The following ZNF888 variants were observed in gnomAD, a reference collection of about 807,000 sequenced individuals.
The protein encoded by ZNF888 is zinc finger protein 888, also known as CTD-2331H12.6.
In ZNF888, 5 loss-of-function variants were observed where a neutral mutation model predicts 7.2. The observed-to-expected ratio is 0.70, with a 90% CI of 0.36 to 1.46. ZNF888 has a LOEUF of 1.46. ZNF888 is among the 40% of genes most tolerant of loss of function. The probability of loss-of-function intolerance (pLI) is 0.03; values close to 1 mark genes in which losing one functional copy is unlikely to be tolerated. For missense variants in ZNF888, 716 were observed against 858.0 expected (o/e 0.83, Z 2.07); for synonymous variants, 240 against 284.3 (o/e 0.84, Z 1.57).
At chr19:52,911,999 G>C (rs551921408) in intron 4 of ZNF888, among the ~76,000 whole-genome samples, 1 of 150,600 alleles carries the variant, frequency 6.6e-6, no homozygotes, top group East Asian at 2.0e-4. Context: ...ATTTTTAGTA[G>C]AGAAGGGGTT....
intron 1 of ZNF888, among the ~76,000 whole-genome samples, chr19:52,920,505 A>AAAAAAG (rs2064812472): frequency 2.2e-5 from 1 of 45,848 alleles, no homozygotes; most frequent in African/African-American, 8.4e-5. Context: ...AAAAAAAAAA[A>AAAAAAG]AAAAAAAAAA....
rs891947088 is a variant in ZNF888, at chr19:52,906,939, A to G, written c.1383T>C (p.Thr461=). ...SNLARHHRLH[T]GEKPYKCKEC... is the part of the protein sequence containing the mutation. ...CTTTACATTTGTAAGGTTTCTCTCC[A>G]GTATGAAGTCTATGATGACGTGCAA... The change falls in exon 5 of 5, where the codon ACT becomes ACC. Residue 461 remains threonine (T), a synonymous_variant. Coordinates refer to ENST00000638862, the MANE Select transcript of ZNF888 (RefSeq NM_001393938.1). 1 of 1,612,776 alleles carries G rather than the reference A, an allele frequency of 6.2e-7. No individual in the cohort carries two copies. The highest frequency in any genetic ancestry group is 1.3e-5 in the African/African-American group (1 of 74,628).
Position 52,906,831 on chromosome 19 carries a change from C to A in ZNF888, c.1491G>T (p.Lys497Asn). The A allele has an allele frequency of 9.3e-6, 15 of 1,612,634 alleles. No homozygotes were observed. The highest frequency in any genetic ancestry group is 1.3e-5 in the Non-Finnish European group (15 of 1,179,690). The change falls in exon 5 of 5, where the codon AAG becomes AAT. Residue 497 changes from lysine (K) to asparagine (N), a missense_variant. Lys to Asn is a moderately conservative substitution (Grantham distance 94). Around this residue, in one of 2 missense-constraint regions of ZNF888, gnomAD observed 697 missense variants for 803.4 expected, o/e 0.87. Transcript: ENST00000638862. ...IHTGEKPYKC[K>N]VCDKAFRRDS... ...CACGTCTGAAAGCCTTGTCACAAACCTTACATTTGTATGGTTTCTCACCAG... is the reference window on the plus strand; with the variant it reads ...CACGTCTGAAAGCCTTGTCACAAACATTACATTTGTATGGTTTCTCACCAG...
Position 52,906,313 on chromosome 19 carries a change from G to A in ZNF888, c.2009C>T (p.Ala670Val), listed in dbSNP as rs1340725750. The A allele has an allele frequency of 7.4e-6, 12 of 1,613,444 alleles. No homozygotes were observed. The African/African-American group carries it at 8.0e-5, about 11-fold the overall frequency. Residue 670 changes from alanine (A) to valine (V), a missense_variant, in exon 5 of 5, where the codon GCT (alanine) becomes GTT (valine). Ala to Val is a moderately conservative substitution (Grantham distance 64). This residue lies in a region of ZNF888 where 697 missense variants were observed against 803.4 expected (regional missense o/e 0.87). Coordinates refer to ENST00000638862, the MANE Select transcript of ZNF888 (RefSeq NM_001393938.1). ...TGCCAGGTGTGAGTAACACTTGAAA[G>A]CCTTGTCACAAACCTTACATTTGTA... is the stretch of plus-strand genomic sequence containing the variant. ...KPYKCKVCDK[A>V]FKCYSHLAQH...
At chr19:52,920,517 G>GGAAAAA (rs2064813371) in intron 1 of ZNF888, among the ~76,000 whole-genome samples, 1 of 17,408 alleles carries the variant, frequency 5.7e-5, no homozygotes, top group Non-Finnish European at 1.0e-4. Context: ...AAAAAAAAAA[G>GGAAAAA]AAAAAAAAAG....
intron 1 of ZNF888, chr19:52,921,788 C>G: frequency 3.7e-6 from 1 of 271,878 alleles, no homozygotes; most frequent in South Asian, 1.4e-4. Context: ...ATTATCCAGG[C>G]ATGGTGGCGA....
Position 52,907,288 on chromosome 19 carries a change from T to C in ZNF888, c.1034A>G (p.His345Arg). 1 of 1,613,556 alleles carries C rather than the reference T, an allele frequency of 6.2e-7. No homozygotes were observed. The highest frequency in any genetic ancestry group is 2.2e-5 in the East Asian group (1 of 44,838). The change falls in exon 5 of 5, where the codon CAT (histidine) becomes CGT (arginine). Residue 345 changes from histidine (H) to arginine (R), a missense_variant. His to Arg is a conservative substitution (Grantham distance 29). Transcript: ENST00000638862. ...FNQQSNLARH[H>R]RVHTGEKPYQ... ...AGGTTTCTCTCCAGTATGAACTCTA[T>C]GATGACGTGCAAGGTTTGATTGTTG...
At position 52,904,752 on chromosome 19, in the gene ZNF888, G is replaced by A. The variant is rs539444895; in HGVS notation, c.*1413C>T. 9 of 152,272 alleles carry A rather than the reference G, an allele frequency of 5.9e-5. No individual in the cohort carries two copies. The South Asian group carries it at 8.3e-4, about 14-fold the overall frequency. The allele number at this position is 152,272 out of a possible 1,614,324, so 9.4% of individuals were successfully genotyped here. A position where few individuals can be genotyped will look rare whatever the true frequency, so the allele number is the denominator to read the frequency against. On this transcript the variant is annotated 3_prime_UTR_variant, in exon 5 of 5. Transcript: ENST00000638862. Reference sequence around the variant, plus strand: ...CAGGCCTGGTTTCAGGCCTGGCGCCGGGCTGCCTGTCTTTGATTTCACTTC... The same window carrying A: ...CAGGCCTGGTTTCAGGCCTGGCGCCAGGCTGCCTGTCTTTGATTTCACTTC...
chr19:52,906,327 C>G lies in ZNF888; in HGVS notation c.1995G>C (p.Lys665Asn), dbSNP rs1205135951. ...AACACTTGAAAGCCTTGTCACAAAC[C>G]TTACATTTGTATGGTTTCTCTCCAG... ...VHTGEKPYKC[K>N]VCDKAFKCYS... is the part of the protein sequence containing the mutation. Residue 665 changes from lysine (K) to asparagine (N), a missense_variant, in exon 5 of 5, where the codon AAG becomes AAC. Around this residue, in one of 2 missense-constraint regions of ZNF888, gnomAD observed 697 missense variants for 803.4 expected, o/e 0.87. Coordinates refer to ENST00000638862, the MANE Select transcript of ZNF888 (RefSeq NM_001393938.1). The G allele has an allele frequency of 1.2e-6, 2 of 1,613,380 alleles. No homozygotes were observed. Among genetic ancestry groups the G allele is most frequent in the Non-Finnish European group, 1.7e-6 (2 of 1,179,736 alleles).
chr19:52,920,820 A>G lies in ZNF888; in HGVS notation c.-177-1883T>C, dbSNP rs1259788575. 3.1e-5 allele frequency among the ~76,000 whole-genome samples: 2 copies of G among 65,170 alleles called. 1 individual carries two copies. The highest frequency in any genetic ancestry group is 9.6e-5 in the African/African-American group (2 of 20,744). The allele number at this position is 65,170 out of a possible 152,430, so 42.8% of individuals were successfully genotyped here. A position where few individuals can be genotyped will look rare whatever the true frequency, so the allele number is the denominator to read the frequency against. On this transcript the variant is annotated intron_variant, in intron 1 of 4. Transcript: ENST00000638862. ...TGATTGATGTCTCCTGTCTCCCTAAAATGTATAAAACCAAGCTGCGCCCCG... is the reference window on the plus strand; with the variant it reads ...TGATTGATGTCTCCTGTCTCCCTAAGATGTATAAAACCAAGCTGCGCCCCG...
At chr19:52,914,569 T>G (rs2064722515) in intron 4 of ZNF888, among the ~76,000 whole-genome samples, 2 of 152,216 alleles carry the variant, frequency 1.3e-5, no homozygotes, top group South Asian at 4.1e-4. Flanking sequence ...CACTGTAATA[T>G]GTAGTATGTG....
chr19:52,909,401 C>A (rs10414491), intron 4 of ZNF888, among the ~76,000 whole-genome samples: 20,199 of 151,652 alleles, frequency 0.13, 2,291 homozygotes, highest in African/African-American at 0.31. Flanking sequence ...GCACACACCA[C>A]CATGCCCAGC....
In ZNF888 at chr19:52,905,415, C is replaced by T. The variant is rs998606161; in HGVS notation, c.*750G>A. On this transcript the variant is annotated 3_prime_UTR_variant, in exon 5 of 5. Transcript: ENST00000638862. ...CATCTCCCTTCCCTGACTCTCTTTT[C>T]GGACTCAGCTTGCCTGCACCCAGGT... 1.4e-4 allele frequency: 22 copies of T among 157,982 alleles called. No individual in the cohort carries two copies. The highest frequency in any genetic ancestry group is 2.3e-4 in the Non-Finnish European group (17 of 73,284). 9.8% of individuals were successfully genotyped at this position (157,982 alleles called of 1,614,324 possible).
chr19:52,909,350 C>T (rs1242615199), intron 4 of ZNF888, among the ~76,000 whole-genome samples: 2 of 151,422 alleles, frequency 1.3e-5, no homozygotes, highest in Non-Finnish European at 2.9e-5. Flanking sequence ...TGGGTTCAAG[C>T]GAGTGTCTTG....
intron 4 of ZNF888, among the ~76,000 whole-genome samples, chr19:52,910,149 CAAAAAAAAAAAAAA>C (rs71335690): frequency 0.032 from 2,668 of 83,988 alleles, 98 homozygotes; most frequent in African/African-American, 0.08. Context: ...GACTTCGTCT[CAAAAAAAAAAAAAA>C]AAAAAAAAAA....
chr19:52,918,187 C>T (rs1239026382), intron 2 of ZNF888: 4 of 985,328 alleles, frequency 4.1e-6, no homozygotes, highest in Admixed American at 6.1e-5. Flanking sequence ...CAGACCCAGA[C>T]CTGACCAAAC....
chr19:52,908,109 C>G lies in ZNF888; in HGVS notation c.213G>C (p.Gly71=). Residue 71 remains glycine, a synonymous_variant, in exon 5 of 5, where the codon GGG becomes GGC. Coordinates refer to ENST00000638862, the MANE Select transcript of ZNF888 (RefSeq NM_001393938.1). ...GKGNTEVIHT[G]TLQRLASHHI... ...GATGACTTGCCAGTCTTTGCAATGTCCCTGTGTGGATCACTTCTGTATTGC... is the reference window on the plus strand; with the variant it reads ...GATGACTTGCCAGTCTTTGCAATGTGCCTGTGTGGATCACTTCTGTATTGC... The G allele has an allele frequency of 6.2e-7, 1 of 1,614,128 alleles. No individual in the cohort carries two copies. Among genetic ancestry groups the G allele is most frequent in the Non-Finnish European group, 8.5e-7 (1 of 1,180,046 alleles).
intron 4 of ZNF888, among the ~76,000 whole-genome samples, chr19:52,914,684 T>C (rs1258896777): frequency 6.6e-6 from 1 of 152,188 alleles, no homozygotes; most frequent in Non-Finnish European, 1.5e-5. Flanking sequence ...TTTTGTTTTT[T>C]GAGACAGAGT....
chr19:52,908,091 T>G lies in ZNF888; in HGVS notation c.231A>C (p.Ala77=). 6.2e-7 allele frequency: 1 copy of G among 1,614,198 alleles called. No homozygotes were observed. The highest frequency in any genetic ancestry group is 8.5e-7 in the Non-Finnish European group (1 of 1,180,030). ...AGCAACATTCTCCAATGTGATGACT[T>G]GCCAGTCTTTGCAATGTCCCTGTGT... ...VIHTGTLQRL[A]SHHIGECCFQ... The change falls in exon 5 of 5, where the codon GCA becomes GCC. Residue 77 remains alanine (A), a synonymous_variant. Transcript: ENST00000638862.
Sources: gnomAD v4.1 joint callset for allele counts (sites outside exome capture counted in the v4.1 genomes callset) on GRCh38, gnomAD v4.1.1 for gene constraint, gnomAD v4.1.1 regional missense constraint, MANE v1.5 for transcripts, NCBI Gene and HGNC (gene_info 2026-07-23, HGNC 2026-07-21) for gene names.